DNAI4: variants seen among roughly 807,000 people sequenced by gnomAD.
DNAI4 encodes dynein axonemal intermediate chain 4.
Under a neutral mutation model 105.8 loss-of-function variants are expected in DNAI4, and 85 were observed. The ratio of observed to expected loss-of-function variants is 0.80; its 90% confidence interval spans 0.67 to 0.96. The LOEUF is 0.96. Among genes scored for constraint, DNAI4 ranks in the 40% least tolerant of loss-of-function variants. The probability of loss-of-function intolerance (pLI) is 0.00; values close to 1 mark genes in which losing one functional copy is unlikely to be tolerated. For synonymous variants in DNAI4, 352 were observed against 331.5 expected, an observed-to-expected ratio of 1.06 and a Z score of -0.67; for missense variants, 1,014 against 1,005.6, an observed-to-expected ratio of 1.01 and a Z score of -0.11.
intron 1 of DNAI4, among the ~76,000 whole-genome samples, chr1:66,916,534 C>T (rs1336308006): frequency 2.0e-5 from 3 of 152,148 alleles, no homozygotes; most frequent in South Asian, 2.1e-4. Flanking sequence ...CCATTCAACT[C>T]TTCAAGGTCC....
chr1:66,874,882 C>T lies in DNAI4; in HGVS notation c.699G>A (p.Glu233=). 1 of 1,613,160 alleles carries T rather than the reference C, an allele frequency of 6.2e-7. No individual in the cohort carries two copies. Among genetic ancestry groups the T allele is most frequent in the Non-Finnish European group, 8.5e-7 (1 of 1,179,618 alleles). Residue 233 remains glutamate (E), a synonymous_variant, in exon 5 of 17, where the codon GAG becomes GAA. Coordinates refer to ENST00000371026, the MANE Select transcript of DNAI4 (RefSeq NM_024763.5). ...CTGTGAGTATTATCTCTATATTCTT[C>T]TCCAGGTCTTCTTTTGTTACAATTT... ...PEKIVTKEDL[E]KNIEIILTET...
In DNAI4 at chr1:66,834,055, T is replaced by G. The variant is rs775221952; in HGVS notation, c.1827A>C (p.Leu609=). 6.2e-7 allele frequency: 1 copy of G among 1,612,706 alleles called. No homozygotes were observed. Among genetic ancestry groups the G allele is most frequent in the Admixed American group, 1.7e-5 (1 of 59,824 alleles). Residue 609 remains leucine, a synonymous_variant, in exon 12 of 17, where the codon CTA becomes CTC. Coordinates refer to ENST00000371026, the MANE Select transcript of DNAI4 (RefSeq NM_024763.5). ...GTTGDGKREI[L]VSISADGRIS... is the part of the protein sequence containing the mutation. ...TTCTTCCATCTGCTGATATAGAAAC[T>G]AGTATTTCTCTTTTGCCATCTCCTG... is the stretch of plus-strand genomic sequence containing the variant.
chr1:66,848,583 G>A (rs1646328850), intron 7 of DNAI4, among the ~76,000 whole-genome samples: 1 of 152,192 alleles, frequency 6.6e-6, no homozygotes, highest in African/African-American at 2.4e-5. Context: ...TAGATAGAGG[G>A]AGCACACTTT....
Position 66,858,891 on chromosome 1 carries a change from G to C in DNAI4, c.1096+3256C>G, listed in dbSNP as rs185854573. ...AACTGAAAACTTTCCCCTAAGATCA[G>C]TAATAAGGTTAGGATATCCCTTCTC... is the stretch of plus-strand genomic sequence containing the variant. On this transcript the variant is annotated intron_variant, in intron 7 of 16. Transcript: ENST00000371026. Among the ~76,000 whole-genome samples the C allele has an allele frequency of 5.3e-5, 8 of 152,150 alleles. No individual in the cohort carries two copies. The East Asian group carries it at 1.3e-3, about 26-fold the overall frequency.
At chr1:66,864,960 G>A (rs886613564) in intron 6 of DNAI4, among the ~76,000 whole-genome samples, 7 of 152,160 alleles carry the variant, frequency 4.6e-5, no homozygotes, top group Non-Finnish European at 8.8e-5. Context: ...ATCAACTGGG[G>A]ATGTTCTATT....
chr1:66,874,121 T>C (rs496070), intron 5 of DNAI4, among the ~76,000 whole-genome samples: 36,655 of 151,682 alleles, frequency 0.24, 5,727 homozygotes, highest in African/African-American at 0.45. Context: ...TAATTTTAGA[T>C]GGAGGAGAGC....
intron 6 of DNAI4, among the ~76,000 whole-genome samples, chr1:66,866,970 G>A (rs558916641): frequency 6.6e-6 from 1 of 152,338 alleles, no homozygotes; most frequent in Non-Finnish European, 1.5e-5. Context: ...AGAAAAGCGA[G>A]TGACGAGCGA....
chr1:66,867,151 C>T (rs1260940217), intron 6 of DNAI4, among the ~76,000 whole-genome samples: 1 of 152,206 alleles, frequency 6.6e-6, no homozygotes, highest in Non-Finnish European at 1.5e-5. Context: ...GGAACACAGC[C>T]AAGCATATCA....
chr1:66,818,940 TA>T (rs1315478751), intron 16 of DNAI4, among the ~76,000 whole-genome samples: 1 of 152,026 alleles, frequency 6.6e-6, no homozygotes, highest in African/African-American at 2.4e-5. Flanking sequence ...AATAAATTGT[TA>T]AAAACACCTC....
chr1:66,874,977 T>A, intron 4 of DNAI4, 40 bp from the exon 5 acceptor site: 1 of 1,541,772 alleles, frequency 6.5e-7, no homozygotes, highest in East Asian at 2.3e-5. Flanking sequence ...TACTAATTGC[T>A]ATTTTTAATT....
At chr1:66,908,039 T>C (rs542945802) in intron 1 of DNAI4, among the ~76,000 whole-genome samples, 1 of 152,352 alleles carries the variant, frequency 6.6e-6, no homozygotes, top group South Asian at 2.1e-4. Flanking sequence ...ATTATAATCA[T>C]TCTTTACTTA....
intron 8 of DNAI4, 45 bp from the exon 9 acceptor site, chr1:66,840,716 A>G (rs1410646120): frequency 3.8e-6 from 6 of 1,598,900 alleles, no homozygotes; most frequent in Non-Finnish European, 4.3e-6. Flanking sequence ...CTACATCTAT[A>G]GGGACCTGCC....
intron 11 of DNAI4, among the ~76,000 whole-genome samples, chr1:66,835,338 G>A (rs952361230): frequency 1.3e-5 from 2 of 152,142 alleles, no homozygotes; most frequent in African/African-American, 4.8e-5. Flanking sequence ...AGAAAGGAAT[G>A]GGAACATTTT....
At chr1:66,836,308 GAAAGAAAGAAAGAA>G (rs1646022157) in intron 10 of DNAI4, among the ~76,000 whole-genome samples, 5 of 149,580 alleles carry the variant, frequency 3.3e-5, no homozygotes, top group African/African-American at 9.9e-5. Context: ...AAGAAAGAAA[GAAAGAAAGAAAGAA>G]AGAAGGAAAG....
At chr1:66,891,056 C>T (rs769965758) in intron 4 of DNAI4, 98 bp downstream of exon 4, 2 of 972,996 alleles carry the variant, frequency 2.1e-6, no homozygotes, top group Non-Finnish European at 3.3e-6. Flanking sequence ...ATTTGGAAAT[C>T]ATTACCATAT....
intron 7 of DNAI4, among the ~76,000 whole-genome samples, chr1:66,852,671 A>T (rs1004218228): frequency 6.8e-5 from 10 of 146,572 alleles, no homozygotes; most frequent in African/African-American, 1.8e-4. Context: ...ACCATTTATT[A>T]AAAAAAAAAT....
rs112581903 is a variant in DNAI4, at chr1:66,837,290, G to A, written c.1581+420C>T. 1.2e-3 allele frequency among the ~76,000 whole-genome samples: 178 copies of A among 149,942 alleles called. 4 individuals carry two copies. The South Asian group carries it at 0.032, about 27-fold the overall frequency. On this transcript the variant is annotated intron_variant, in intron 10 of 16. Transcript: ENST00000371026. ...GAGGCAGGAGAATCACTTAAACCCC[G>A]GGAGGCAGAGTTTGCAGTGAGTCGA...
intron 5 of DNAI4, among the ~76,000 whole-genome samples, chr1:66,871,983 T>A (rs781347931): frequency 6.6e-6 from 1 of 152,156 alleles, no homozygotes; most frequent in African/African-American, 2.4e-5. Flanking sequence ...TTATGAATAA[T>A]TTTTTATAAA....
At chr1:66,924,549 T>G (rs1650986257) in intron 1 of DNAI4, 113 bp downstream of exon 1, 1 of 1,430,554 alleles carries the variant, frequency 7.0e-7, no homozygotes, top group African/African-American at 1.4e-5. Context: ...GTCTACAGAC[T>G]GAACCCAGTT....
Sources: allele counts gnomAD v4.1 joint callset (sites outside exome capture counted in the v4.1 genomes callset), GRCh38; gene constraint gnomAD v4.1.1; transcripts MANE v1.5; gene names NCBI Gene and HGNC (gene_info 2026-07-23, HGNC 2026-07-21).